PCDH15: variants seen among roughly 807,000 people sequenced by gnomAD.
PCDH15 encodes the protein protocadherin related 15, also known as protocadherin-15.
PCDH15 carries 129 observed loss-of-function variants against 178.5 expected under a neutral mutation model. The ratio of observed to expected loss-of-function variants is 0.72; its 90% CI spans 0.63 to 0.84. The LOEUF is 0.84. Among genes scored for constraint, PCDH15 ranks in the 40% least tolerant of loss-of-function variants. PCDH15 has a pLI of 0.00. For synonymous variants in PCDH15, 800 were observed against 732.0 expected (o/e 1.09, Z -1.50); for missense variants, 2,230 against 2,099.9 (o/e 1.06, Z -1.21).
chr10:54,997,448 TTAAAA>T (rs1439586175), intron 2 of PCDH15, among the ~76,000 whole-genome samples: 4 of 152,204 alleles, frequency 2.6e-5, no homozygotes, highest in African/African-American at 7.2e-5. Context: ...ATTGGTAAAA[TTAAAA>T]TAAAAGTTTC....
rs10763129 is a variant in PCDH15 at position 54,708,285 on chromosome 10, T to C, written c.-28-43995A>G. On this transcript the variant is annotated intron_variant, in intron 1 of 37. Coordinates refer to ENST00000644397, the MANE Select transcript of PCDH15 (RefSeq NM_001384140.1). ...TAAATCACTATGGCAACATTGCGGA[T>C]GGTGAATTTCAAGAGTGCAAGATAA... Among the ~76,000 whole-genome samples the C allele has an allele frequency of 5.3e-5, 8 of 152,002 alleles. No individual in the cohort carries two copies. The South Asian group carries it at 1.7e-3, about 32-fold the overall frequency.
At chr10:55,047,640 G>T (rs963926281) in intron 2 of PCDH15, among the ~76,000 whole-genome samples, 1 of 151,798 alleles carries the variant, frequency 6.6e-6, no homozygotes, top group African/African-American at 2.4e-5. Flanking sequence ...TAAGAGGTTT[G>T]AGTAGGAAAG....
At chr10:55,173,909 T>C (rs2132126336) in intron 1 of PCDH15, among the ~76,000 whole-genome samples, 1 of 152,254 alleles carries the variant, frequency 6.6e-6, no homozygotes, top group South Asian at 2.1e-4. Context: ...TGAAATTGAT[T>C]TTGATGTAAG....
chr10:53,894,342 G>A (rs925852742), intron 26 of PCDH15, among the ~76,000 whole-genome samples: 2 of 152,126 alleles, frequency 1.3e-5, no homozygotes, highest in Non-Finnish European at 1.5e-5. Flanking sequence ...GTCAAACACC[G>A]TGCCAAAACA....
chr10:54,549,845 A>G (rs1455690343), intron 2 of PCDH15, among the ~76,000 whole-genome samples: 1 of 152,074 alleles, frequency 6.6e-6, no homozygotes, highest in Non-Finnish European at 1.5e-5. Flanking sequence ...TATATTTTAA[A>G]CTATGTAGCT....
intron 2 of PCDH15, among the ~76,000 whole-genome samples, chr10:55,330,283 A>G (rs1844165374): frequency 6.6e-6 from 1 of 151,862 alleles, no homozygotes; most frequent in Non-Finnish European, 1.5e-5. Flanking sequence ...CCTAAGAAAC[A>G]AGATATATTT....
At chr10:54,710,488 ATTATG>A (rs1439386500) in intron 1 of PCDH15, among the ~76,000 whole-genome samples, 2 of 151,998 alleles carry the variant, frequency 1.3e-5, no homozygotes, top group African/African-American at 4.8e-5. Context: ...ATAGCAGTAT[ATTATG>A]TTATTATTAG....
intron 1 of PCDH15, among the ~76,000 whole-genome samples, chr10:55,316,658 G>A (rs1843729520): frequency 6.6e-6 from 1 of 152,112 alleles, no homozygotes; most frequent in African/African-American, 2.4e-5. Flanking sequence ...TTTGGAGTCA[G>A]ATACAGAGGC....
chr10:53,996,852 C>T (rs10763043), intron 20 of PCDH15, among the ~76,000 whole-genome samples: 35,009 of 151,848 alleles, frequency 0.23, 4,326 homozygotes, highest in East Asian at 0.45. Flanking sequence ...TAATTATCTG[C>T]TCTTCTCCTC....
intron 25 of PCDH15, among the ~76,000 whole-genome samples, chr10:53,922,217 A>G (rs965508606): frequency 6.6e-6 from 1 of 152,178 alleles, no homozygotes; most frequent in East Asian, 1.9e-4. Flanking sequence ...ATCTCTCTGT[A>G]CACTTATCTA....
At chr10:54,954,012 T>A (rs973528352) in intron 2 of PCDH15, among the ~76,000 whole-genome samples, 2 of 151,222 alleles carry the variant, frequency 1.3e-5, no homozygotes, top group Non-Finnish European at 3.0e-5. Context: ...TACAGACTTT[T>A]AGGGAGGGAA....
At chr10:54,977,327 G>A (rs553202858) in intron 2 of PCDH15, among the ~76,000 whole-genome samples, 1 of 152,274 alleles carries the variant, frequency 6.6e-6, no homozygotes, top group East Asian at 1.9e-4. Context: ...GATAAAACGT[G>A]ATGGTAAAGA....
chr10:53,972,568 A>T (rs1201412047), intron 21 of PCDH15, among the ~76,000 whole-genome samples: 2 of 152,244 alleles, frequency 1.3e-5, no homozygotes, highest in East Asian at 3.8e-4. Context: ...TCCAGAATCT[A>T]CAAAGAACTT....
At chr10:54,233,261 CT>C (rs1357621334) in intron 9 of PCDH15, among the ~76,000 whole-genome samples, 10 of 152,088 alleles carry the variant, frequency 6.6e-5, no homozygotes, top group African/African-American at 2.2e-4. Flanking sequence ...TGCTCTTTTT[CT>C]TTAGTTTGCT....
intron 2 of PCDH15, among the ~76,000 whole-genome samples, chr10:54,943,767 A>T (rs1032136883): frequency 6.6e-6 from 1 of 151,866 alleles, no homozygotes; most frequent in Non-Finnish European, 1.5e-5. Context: ...TTAAGATTCA[A>T]ATCAGACTTT....
rs911381885 is a variant in PCDH15, at chr10:54,327,163, TA to T, written c.705+2432del. On this transcript the variant is annotated intron_variant, in intron 7 of 37. Transcript: ENST00000644397. Reference sequence around the variant, plus strand: ...AGAATCTTTTACCTTGCATTTCTATTAAAAAATTATATCTTTTTAATTGCAT... The same window carrying T: ...AGAATCTTTTACCTTGCATTTCTATTAAAAATTATATCTTTTTAATTGCAT... Among the ~76,000 whole-genome samples, 8 of 141,778 alleles carry T rather than the reference TA, an allele frequency of 5.6e-5. 1 individual carries two copies. Among genetic ancestry groups the T allele is most frequent in the South Asian group, 2.3e-4 (1 of 4,440 alleles). 93.0% of individuals were successfully genotyped at this position (141,778 alleles called of 152,430 possible). A position where few individuals can be genotyped will look rare whatever the true frequency, so the allele number is the denominator to read the frequency against.
chr10:54,102,882 G>A (rs1332358588), intron 15 of PCDH15, among the ~76,000 whole-genome samples: 1 of 152,120 alleles, frequency 6.6e-6, no homozygotes, highest in African/African-American at 2.4e-5. Flanking sequence ...ACTTTAACTA[G>A]AGGACCACAG....
At chr10:54,007,282 G>T (rs1468105339) in intron 20 of PCDH15, among the ~76,000 whole-genome samples, 1 of 151,960 alleles carries the variant, frequency 6.6e-6, no homozygotes, top group African/African-American at 2.4e-5. Flanking sequence ...CCAGAGATTT[G>T]CTTATATCAT....
At chr10:54,814,225 G>C (rs1389001746) in intron 3 of PCDH15, among the ~76,000 whole-genome samples, 3 of 152,156 alleles carry the variant, frequency 2.0e-5, no homozygotes, top group Non-Finnish European at 4.4e-5. Context: ...GGACCATACA[G>C]TTAATGACAT....
Sources: gnomAD v4.1 joint callset for allele counts (sites outside exome capture counted in the v4.1 genomes callset) on GRCh38, gnomAD v4.1.1 for gene constraint, MANE v1.5 for transcripts, NCBI Gene and HGNC (gene_info 2026-07-23, HGNC 2026-07-21) for gene names.